Variants in NPLOC4 observed in about 807,000 individuals in gnomAD.
The protein encoded by NPLOC4 is nuclear protein localization protein 4 homolog.
NPLOC4 carries 18 observed loss-of-function variants against 80.6 expected under a neutral mutation model. The ratio of observed to expected loss-of-function variants is 0.22; its 90% CI spans 0.15 to 0.33. The LOEUF (loss-of-function observed/expected upper bound fraction) is 0.33, where lower values mean the gene tolerates loss of function less well. Among genes scored for constraint, NPLOC4 ranks in the 10% least tolerant of loss-of-function variants. The probability of loss-of-function intolerance (pLI) is 1.00; values close to 1 mark genes in which losing one functional copy is unlikely to be tolerated. For missense variants in NPLOC4, 540 were observed against 786.1 expected (o/e 0.69, Z 3.74); for synonymous variants, 313 against 301.5 (o/e 1.04, Z -0.39).
intron 4 of NPLOC4, among the ~76,000 whole-genome samples, chr17:81,610,466 G>A (rs1158003191): frequency 2.0e-5 from 3 of 152,180 alleles, no homozygotes; most frequent in Admixed American, 6.5e-5. Flanking sequence ...CCAGGCTGGA[G>A]TGCAGTGGTG....
chr17:81,636,829 G>T (rs964709738), intron 1 of NPLOC4, 87 bp downstream of exon 1: 17 of 1,284,474 alleles, frequency 1.3e-5, no homozygotes, highest in Non-Finnish European at 6.9e-6. Flanking sequence ...TCGCGGCGCC[G>T]GCAGGCCCGC....
chr17:81,615,643 G>C (rs924702161), intron 3 of NPLOC4, among the ~76,000 whole-genome samples: 1 of 152,220 alleles, frequency 6.6e-6, no homozygotes, highest in Non-Finnish European at 1.5e-5. Context: ...TTCACTCACA[G>C]CTTTGGGCCT....
In NPLOC4 at chr17:81,572,849, C is replaced by T. The variant is rs922835946; in HGVS notation, c.1282-761G>A. Among the ~76,000 whole-genome samples, 1 of 152,206 alleles carries T rather than the reference C, an allele frequency of 6.6e-6. No homozygotes were observed. The highest frequency in any genetic ancestry group is 2.4e-5 in the African/African-American group (1 of 41,434). ...TCACACCTCTGAAAACCCGACTTTC[C>T]AGAAACCGAGTACTTGGACATTAAT... On this transcript the variant is annotated intron_variant, in intron 12 of 16. Coordinates refer to ENST00000331134, the MANE Select transcript of NPLOC4 (RefSeq NM_017921.4). The surrounding 1 kb of genome is among the most constrained non-coding windows in gnomAD (Gnocchi z 4.5).
chr17:81,563,850 T>C (rs1165188582), intron 16 of NPLOC4: 1 of 445,162 alleles, frequency 2.2e-6, no homozygotes, highest in Non-Finnish European at 4.5e-6. Flanking sequence ...AGCAAACTAA[T>C]GCAGGAACAG....
chr17:81,571,115 G>A (rs2034149800), intron 13 of NPLOC4, among the ~76,000 whole-genome samples: 1 of 152,108 alleles, frequency 6.6e-6, no homozygotes, highest in African/African-American at 2.4e-5. Context: ...ATGTTCTCGG[G>A]AGCTGTCAGT....
In NPLOC4 at chr17:81,589,850, CAA is replaced by C. The variant is rs541871324; in HGVS notation, c.1121-748_1121-747del. On this transcript the variant is annotated intron_variant, in intron 11 of 16. Transcript: ENST00000331134. ...CTATCTTTACAATAAATCAATCAATCAAAAAAAAAAAAAAAAGATTGTTAAAC... is the reference window on the plus strand; with the variant it reads ...CTATCTTTACAATAAATCAATCAATCAAAAAAAAAAAAAAGATTGTTAAAC... Among the ~76,000 whole-genome samples, 478 of 130,212 alleles carry C rather than the reference CAA, an allele frequency of 3.7e-3. 6 individuals carry two copies. The highest frequency in any genetic ancestry group is 1.6e-3 in the Admixed American group (21 of 13,122). 85.4% of individuals were successfully genotyped at this position (130,212 alleles called of 152,430 possible).
At chr17:81,607,244 G>A (rs2035226262) in intron 6 of NPLOC4, among the ~76,000 whole-genome samples, 1 of 152,048 alleles carries the variant, frequency 6.6e-6, no homozygotes, top group South Asian at 2.1e-4. Context: ...TCTTATTCAT[G>A]GGAAAAATCT....
At chr17:81,581,576 G>T (rs1156797499) in intron 12 of NPLOC4, among the ~76,000 whole-genome samples, 2 of 152,112 alleles carry the variant, frequency 1.3e-5, no homozygotes, top group Non-Finnish European at 2.9e-5. Flanking sequence ...CAGAGGGGCA[G>T]CCAGTCCTCC....
chr17:81,618,352 C>A (rs954943067), intron 3 of NPLOC4, among the ~76,000 whole-genome samples: 4 of 151,422 alleles, frequency 2.6e-5, no homozygotes, highest in African/African-American at 7.3e-5. Flanking sequence ...GGCCGCGACC[C>A]CGTCTGGGAG....
At chr17:81,584,605 G>A (rs534512219) in intron 12 of NPLOC4, among the ~76,000 whole-genome samples, 2 of 152,318 alleles carry the variant, frequency 1.3e-5, no homozygotes, top group East Asian at 3.9e-4. Context: ...AAAGCCCAGA[G>A]AATGAGAAGG....
chr17:81,570,342 T>A (rs1278202223), intron 13 of NPLOC4, among the ~76,000 whole-genome samples: 1 of 152,192 alleles, frequency 6.6e-6, no homozygotes, highest in Non-Finnish European at 1.5e-5. Context: ...CACATAGTGT[T>A]GGTACACACA....
intron 2 of NPLOC4, 43 bp downstream of exon 2, chr17:81,629,682 G>T: frequency 7.3e-7 from 1 of 1,370,638 alleles, no homozygotes; most frequent in Non-Finnish European, 1.0e-6. Context: ...TAAGAGTAGA[G>T]GATGAAAAAT....
intron 12 of NPLOC4, among the ~76,000 whole-genome samples, chr17:81,586,512 A>T (rs1464094422): frequency 6.6e-6 from 1 of 151,744 alleles, no homozygotes; most frequent in Non-Finnish European, 1.5e-5. Context: ...CGGGAGGCTG[A>T]GGCACAAGAA....
At position 81,627,683 on chromosome 17, in the gene NPLOC4, G is replaced by A. The variant is rs142437269; in HGVS notation, c.96+2042C>T. 4.8e-4 allele frequency among the ~76,000 whole-genome samples: 73 copies of A among 152,164 alleles called. 1 individual carries two copies. Among genetic ancestry groups the A allele is most frequent in the Non-Finnish European group, 3.1e-4 (21 of 68,000 alleles). On this transcript the variant is annotated intron_variant, in intron 2 of 16. Transcript: ENST00000331134. ...CCCGGGAGGCTGAGGCAGGAGAATT[G>A]CTTGAACACAGGAGGCAGAGGCTGC...
intron 12 of NPLOC4, chr17:81,573,575 CCTCA>C (rs2034216259): frequency 6.6e-6 from 1 of 152,212 alleles, no homozygotes; most frequent in Non-Finnish European, 1.5e-5. Context: ...TCTCCCCTTT[CCTCA>C]CTATTGTACT....
chr17:81,575,881 C>T (rs148497542), intron 12 of NPLOC4, among the ~76,000 whole-genome samples: 129 of 152,332 alleles, frequency 8.5e-4, no homozygotes, highest in Middle Eastern at 3.4e-3. Flanking sequence ...CTGTCGATGG[C>T]AGTTTCTTGA....
intron 14 of NPLOC4, 98 bp downstream of exon 14, chr17:81,568,918 A>G: frequency 2.5e-6 from 2 of 812,668 alleles, no homozygotes; most frequent in Non-Finnish European, 4.1e-6. Flanking sequence ...ATGAATCGGG[A>G]GCATTTGAAA....
At chr17:81,618,766 G>C (rs948479842) in intron 3 of NPLOC4, among the ~76,000 whole-genome samples, 53 of 152,070 alleles carry the variant, frequency 3.5e-4, no homozygotes, top group African/African-American at 1.2e-3. Context: ...ATAGAAAAGG[G>C]GGAAAGGTGG....
chr17:81,597,352 C>A, intron 9 of NPLOC4, 36 bp from the exon 10 acceptor site: 1 of 1,537,986 alleles, frequency 6.5e-7, no homozygotes, highest in Non-Finnish European at 9.0e-7. Flanking sequence ...AACATCTCCT[C>A]AAGATAGACG....
Sources: allele counts gnomAD v4.1 joint callset (sites outside exome capture counted in the v4.1 genomes callset), GRCh38; gene constraint gnomAD v4.1.1; non-coding constraint Gnocchi (gnomAD v3.1); transcripts MANE v1.5; gene names NCBI Gene and HGNC (gene_info 2026-07-23, HGNC 2026-07-21).